TGFA: variants seen among roughly 807,000 people sequenced by gnomAD.
The protein encoded by TGFA is protransforming growth factor alpha.
In TGFA, 12 loss-of-function variants were observed where a neutral mutation model predicts 21.7. That is an observed-to-expected ratio of 0.55 (90% confidence interval 0.35 to 0.90). TGFA has a LOEUF of 0.90. TGFA is among the 40% of genes least tolerant of loss of function. TGFA has a pLI of 0.01. For synonymous variants in TGFA, 79 were observed against 88.1 expected (o/e 0.90, Z 0.58); for missense variants, 178 against 210.8 (o/e 0.84, Z 0.96).
chr2:70,451,638 C>T, intron 5 of TGFA: 1 of 641,022 alleles, frequency 1.6e-6, no homozygotes, highest in Non-Finnish European at 2.8e-6. Flanking sequence ...CTGTTAGGTT[C>T]AGACAAATGC....
At chr2:70,468,873 A>G (rs1273820833) in intron 2 of TGFA, among the ~76,000 whole-genome samples, 1 of 152,252 alleles carries the variant, frequency 6.6e-6, no homozygotes, top group Admixed American at 6.5e-5. Flanking sequence ...AATAATAGAA[A>G]TAAAGTACAC....
intron 3 of TGFA, chr2:70,461,525 C>G (rs1670405603): frequency 6.6e-6 from 1 of 152,276 alleles, no homozygotes; most frequent in Admixed American, 6.5e-5. Flanking sequence ...CAGGAATTTG[C>G]TTTCATACTT....
intron 1 of TGFA, among the ~76,000 whole-genome samples, chr2:70,529,192 C>T (rs1401515459): frequency 1.3e-5 from 2 of 152,214 alleles, no homozygotes; most frequent in African/African-American, 4.8e-5. Context: ...GTGCCTGACA[C>T]ATAGACAAGC....
intron 1 of TGFA, among the ~76,000 whole-genome samples, chr2:70,544,489 T>C (rs1441607422): frequency 1.3e-5 from 2 of 152,046 alleles, no homozygotes; most frequent in Non-Finnish European, 2.9e-5. Context: ...AAAAAAGCTT[T>C]TATATACCAG....
chr2:70,517,380 C>T (rs17005774), intron 1 of TGFA, among the ~76,000 whole-genome samples: 9,823 of 152,280 alleles, frequency 0.065, 1,070 homozygotes, highest in African/African-American at 0.22. Flanking sequence ...TTGTCTTCAT[C>T]ATGTGGTGAA....
chr2:70,447,709 G>A lies in TGFA; in HGVS notation c.*3150C>T, dbSNP rs1263114278. ...GGTAAATCAATGGCTAGAGAGAACAGGTCTTATGTTAGAACATTTAAAAAT... is the reference window on the plus strand; with the variant it reads ...GGTAAATCAATGGCTAGAGAGAACAAGTCTTATGTTAGAACATTTAAAAAT... On this transcript the variant is annotated 3_prime_UTR_variant, in exon 6 of 6. Coordinates refer to ENST00000295400, the MANE Select transcript of TGFA (RefSeq NM_003236.4). 6.6e-6 allele frequency: 1 copy of A among 152,216 alleles called. No homozygotes were observed. Among genetic ancestry groups the A allele is most frequent in the African/African-American group, 2.4e-5 (1 of 41,436 alleles). 9.4% of individuals were successfully genotyped at this position (152,216 alleles called of 1,614,324 possible).
chr2:70,526,126 G>C (rs868926148), intron 1 of TGFA, among the ~76,000 whole-genome samples: 7 of 152,158 alleles, frequency 4.6e-5, no homozygotes, highest in Middle Eastern at 3.2e-3. Flanking sequence ...GAAGGACCAT[G>C]GTGATCCAAC....
chr2:70,543,140 G>GT (rs1259845469), intron 1 of TGFA, among the ~76,000 whole-genome samples: 3 of 151,842 alleles, frequency 2.0e-5, no homozygotes, highest in African/African-American at 4.8e-5. Context: ...TAAAAGAAGG[G>GT]TTTTTTCCCT....
At chr2:70,536,992 CTTTTTCT>C (rs782488272) in intron 1 of TGFA, among the ~76,000 whole-genome samples, 26 of 126,134 alleles carry the variant, frequency 2.1e-4, no homozygotes, top group African/African-American at 4.1e-4. Context: ...TTTTCTTTTT[CTTTTTCT>C]TTTTTTTTTT....
At chr2:70,514,641 A>G (rs1271278031) in intron 2 of TGFA, among the ~76,000 whole-genome samples, 1 of 152,058 alleles carries the variant, frequency 6.6e-6, no homozygotes, top group Non-Finnish European at 1.5e-5. Context: ...CACGTAGGGG[A>G]GGCCCCTGAG....
chr2:70,466,803 C>G (rs1670579113), intron 2 of TGFA, among the ~76,000 whole-genome samples: 2 of 152,150 alleles, frequency 1.3e-5, no homozygotes, highest in Non-Finnish European at 2.9e-5. Context: ...CAATGACAGA[C>G]TGGGTAAAGA....
At chr2:70,520,664 G>A (rs1433260496) in intron 1 of TGFA, among the ~76,000 whole-genome samples, 4 of 151,974 alleles carry the variant, frequency 2.6e-5, no homozygotes, top group East Asian at 1.9e-4. Context: ...GCAACTACCC[G>A]AGAAAAATGG....
At chr2:70,548,306 G>A in intron 1 of TGFA, among the ~76,000 whole-genome samples, 1 of 152,160 alleles carries the variant, frequency 6.6e-6, no homozygotes, top group Non-Finnish European at 1.5e-5. Context: ...GAGGTGAGGA[G>A]GAAGAAGCCC....
intron 2 of TGFA, among the ~76,000 whole-genome samples, chr2:70,496,489 C>G (rs1164499624): frequency 3.3e-5 from 5 of 152,126 alleles, no homozygotes; most frequent in African/African-American, 1.2e-4. Context: ...GAGGCAAAAA[C>G]TTAATATTGA....
At chr2:70,456,524 CA>C (rs1246789490) in intron 3 of TGFA, 36 bp from the exon 4 acceptor site, 5 of 1,570,184 alleles carry the variant, frequency 3.2e-6, no homozygotes, top group Non-Finnish European at 4.3e-6. Flanking sequence ...ACTCTCCTGA[CA>C]AAAGGTCTTG....
chr2:70,465,127 C>T (rs1364369179), intron 3 of TGFA, among the ~76,000 whole-genome samples: 1 of 152,164 alleles, frequency 6.6e-6, no homozygotes. Context: ...ATTTCTAAGT[C>T]GCTTCTGGTT....
chr2:70,553,475 C>A lies in TGFA; in HGVS notation c.40+253G>T. On this transcript the variant is annotated intron_variant, in intron 1 of 5. Transcript: ENST00000295400. ...GTTCAAGCCCGTTCACACTCCGCTT[C>A]CCCTTCCCAGGTGTTCTCACGCACG... The A allele has an allele frequency of 3.6e-6, 5 of 1,407,294 alleles. No homozygotes were observed. The South Asian group carries it at 8.2e-5, about 23-fold the overall frequency. 87.2% of individuals were successfully genotyped at this position (1,407,294 alleles called of 1,614,324 possible).
chr2:70,453,434 C>A, intron 4 of TGFA, 107 bp from the exon 5 acceptor site: 1 of 762,746 alleles, frequency 1.3e-6, no homozygotes, highest in South Asian at 1.8e-5. Context: ...TCTAAACCAG[C>A]TCCAAACCAG....
At chr2:70,530,151 C>T (rs782352083) in intron 1 of TGFA, among the ~76,000 whole-genome samples, 1 of 152,146 alleles carries the variant, frequency 6.6e-6, no homozygotes, top group Non-Finnish European at 1.5e-5. Context: ...ATTTAAAAAG[C>T]AAACATGAAG....
Sources: allele counts gnomAD v4.1 joint callset (sites outside exome capture counted in the v4.1 genomes callset), GRCh38; gene constraint gnomAD v4.1.1; transcripts MANE v1.5; gene names NCBI Gene and HGNC (gene_info 2026-07-23, HGNC 2026-07-21).